Variants in XIRP2 observed in about 807,000 individuals in gnomAD.
XIRP2 encodes the protein xin actin-binding repeat-containing protein 2.
In XIRP2, 236 loss-of-function variants were observed where a neutral mutation model predicts 277.0. That is an observed-to-expected ratio of 0.85 (90% CI 0.77 to 0.95). The LOEUF (loss-of-function observed/expected upper bound fraction) is 0.95, where lower values mean the gene tolerates loss of function less well. Among genes scored for constraint, XIRP2 ranks in the 40% least tolerant of loss-of-function variants. The pLI, the probability that XIRP2 is intolerant of heterozygous loss-of-function variation, is 0.00. For synonymous variants in XIRP2, 1,490 were observed against 1,416.5 expected (o/e 1.05, Z -1.17); for missense variants, 4,640 against 4,157.5 (o/e 1.12, Z -3.19).
At chr2:166,908,255 T>A (rs571994222) in intron 2 of XIRP2, among the ~76,000 whole-genome samples, 1 of 152,198 alleles carries the variant, frequency 6.6e-6, no homozygotes, top group Non-Finnish European at 1.5e-5. Flanking sequence ...TTCCTATTTC[T>A]CTATGTCCTC....
intron 3 of XIRP2, among the ~76,000 whole-genome samples, chr2:167,166,278 CT>C (rs1692517813): frequency 1.3e-5 from 2 of 151,874 alleles, no homozygotes; most frequent in African/African-American, 2.4e-5. Context: ...TCATTTCATT[CT>C]GTTATTAATT....
In XIRP2 at chr2:166,901,242, T is replaced by G. The variant is rs114518623; in HGVS notation, c.-18-2223T>G. Among the ~76,000 whole-genome samples, 544 of 152,146 alleles carry G rather than the reference T, an allele frequency of 3.6e-3. 1 individual carries two copies. Among genetic ancestry groups the G allele is most frequent in the African/African-American group, 0.012 (504 of 41,544 alleles). On this transcript the variant is annotated intron_variant, in intron 1 of 10. Coordinates refer to ENST00000409195, the MANE Select transcript of XIRP2 (RefSeq NM_152381.6). ...AGTTACTGCTTCTTCCCACCACCAG[T>G]TCTTTATATATGAAGCAAAAAGAAA...
intron 3 of XIRP2, chr2:167,140,819 T>C (rs892027730): frequency 6.6e-6 from 1 of 152,210 alleles, no homozygotes; most frequent in African/African-American, 2.4e-5. Context: ...AGTGTTTCTC[T>C]TTCTTACAGT....
chr2:167,047,366 C>T (rs575824945), intron 2 of XIRP2, among the ~76,000 whole-genome samples: 1 of 151,744 alleles, frequency 6.6e-6, no homozygotes, highest in South Asian at 2.1e-4. Flanking sequence ...TAAGTAGCTT[C>T]ACCGAGATAA....
intron 2 of XIRP2, among the ~76,000 whole-genome samples, chr2:166,924,840 C>T (rs1685142579): frequency 6.6e-6 from 1 of 151,848 alleles, no homozygotes; most frequent in South Asian, 2.1e-4. Flanking sequence ...TTTAAATGAA[C>T]CATTTAAATT....
chr2:167,210,102 T>C (rs1693979396), intron 3 of XIRP2, among the ~76,000 whole-genome samples: 1 of 152,186 alleles, frequency 6.6e-6, no homozygotes, highest in African/African-American at 2.4e-5. Flanking sequence ...CTATTACTTC[T>C]TTCTTATGTA....
chr2:166,908,683 C>A (rs1401538295), intron 2 of XIRP2, among the ~76,000 whole-genome samples: 3 of 152,124 alleles, frequency 2.0e-5, no homozygotes, highest in Non-Finnish European at 4.4e-5. Context: ...GACATGAAGT[C>A]CTTGCCCATG....
At chr2:167,012,747 T>G (rs1687717561) in intron 2 of XIRP2, among the ~76,000 whole-genome samples, 1 of 151,656 alleles carries the variant, frequency 6.6e-6, no homozygotes, top group African/African-American at 2.4e-5. Flanking sequence ...AGTGCTTTTC[T>G]TTTAGAGATT....
chr2:166,916,483 A>C (rs1477341087), intron 2 of XIRP2, among the ~76,000 whole-genome samples: 1 of 152,228 alleles, frequency 6.6e-6, no homozygotes, highest in Non-Finnish European at 1.5e-5. Context: ...GAAAATGATT[A>C]CTGAAAAATA....
At chr2:167,239,816 T>C (rs996523809) in intron 5 of XIRP2, 39 bp from the exon 6 acceptor site, 1 of 1,547,670 alleles carries the variant, frequency 6.5e-7, no homozygotes, top group Non-Finnish European at 8.7e-7. Context: ...AAATTTTTAC[T>C]TTTCTTAAGG....
At chr2:167,231,411 G>GT (rs1244083023) in intron 5 of XIRP2, among the ~76,000 whole-genome samples, 1 of 151,620 alleles carries the variant, frequency 6.6e-6, no homozygotes, top group Non-Finnish European at 1.5e-5. Context: ...GCCCAAATCA[G>GT]TTTTTTTTAG....
chr2:167,195,996 C>T (rs1477937045), intron 3 of XIRP2, among the ~76,000 whole-genome samples: 2 of 152,150 alleles, frequency 1.3e-5, no homozygotes, highest in Admixed American at 6.5e-5. Flanking sequence ...ACCAATTCAA[C>T]ATTTTCCCAT....
chr2:166,912,445 T>G (rs1043617244), intron 2 of XIRP2, among the ~76,000 whole-genome samples: 2 of 152,214 alleles, frequency 1.3e-5, no homozygotes, highest in Non-Finnish European at 2.9e-5. Flanking sequence ...TCGTGCCATG[T>G]TTTTCAGCTC....
chr2:167,090,687 T>C (rs1690114735), intron 2 of XIRP2, among the ~76,000 whole-genome samples: 1 of 151,866 alleles, frequency 6.6e-6, no homozygotes, highest in African/African-American at 2.4e-5. Flanking sequence ...GTGGAGAAGG[T>C]CAAAGGGAAA....
intron 3 of XIRP2, among the ~76,000 whole-genome samples, chr2:167,200,524 T>C (rs573399395): frequency 5.5e-4 from 84 of 152,370 alleles, no homozygotes; most frequent in African/African-American, 1.9e-3. Flanking sequence ...CAGTGGACTT[T>C]CATGTTGCTT....
At chr2:167,199,938 G>GA (rs1380574351) in intron 3 of XIRP2, among the ~76,000 whole-genome samples, 2 of 151,832 alleles carry the variant, frequency 1.3e-5, no homozygotes, top group African/African-American at 2.4e-5. Context: ...ATTAGGGTCA[G>GA]AAAAAAAAGT....
intron 2 of XIRP2, among the ~76,000 whole-genome samples, chr2:167,050,041 A>G (rs912895094): frequency 2.0e-5 from 3 of 152,060 alleles, no homozygotes; most frequent in African/African-American, 7.2e-5. Context: ...GATTATATGG[A>G]AATTTTCTTC....
At chr2:167,084,312 G>C (rs145734066) in intron 2 of XIRP2, among the ~76,000 whole-genome samples, 12,006 of 152,188 alleles carry the variant, frequency 0.079, 523 homozygotes, top group South Asian at 0.17. Context: ...TGGTGGATAA[G>C]TTTTTTGATG....
chr2:167,237,155 G>A (rs761299735), intron 5 of XIRP2, among the ~76,000 whole-genome samples: 5 of 152,080 alleles, frequency 3.3e-5, no homozygotes, highest in Non-Finnish European at 7.4e-5. Context: ...ATGTACATTT[G>A]TACTGTTTAT....
Sources: allele counts gnomAD v4.1 joint callset (sites outside exome capture counted in the v4.1 genomes callset), GRCh38; gene constraint gnomAD v4.1.1; transcripts MANE v1.5; gene names NCBI Gene and HGNC (gene_info 2026-07-23, HGNC 2026-07-21).